KRCC1: variants seen among roughly 807,000 people sequenced by gnomAD.
KRCC1 encodes lysine rich coiled-coil 1.
Under a neutral mutation model 7.4 loss-of-function variants are expected in KRCC1, and 3 were observed. That is an observed-to-expected ratio of 0.40 (90% CI 0.18 to 1.04). The LOEUF (loss-of-function observed/expected upper bound fraction) is 1.04, where lower values mean the gene tolerates loss of function less well. Among genes scored for constraint, KRCC1 ranks in the 50% least tolerant of loss-of-function variants. The pLI is 0.33. For synonymous variants in KRCC1, 102 were observed against 101.6 expected, an observed-to-expected ratio of 1.00 and a Z score of -0.02; for missense variants, 277 against 300.9, an observed-to-expected ratio of 0.92 and a Z score of 0.59.
At position 88,028,138 on chromosome 2, in the gene KRCC1, TGAG is replaced by T. The variant is rs751331764; in HGVS notation, c.423_425del (p.Ser142del). 8.7e-6 allele frequency: 14 copies of T among 1,614,060 alleles called. No individual in the cohort carries two copies. The highest frequency in any genetic ancestry group is 6.7e-5 in the East Asian group (3 of 44,894). ...CTTGATGAGTACTGGTACTGTTATC[TGAG>T]GAGAAGTGCTTGTAAACTCTATGTT... On this transcript the variant is annotated inframe_deletion, in exon 4 of 4. Coordinates refer to ENST00000347055, the MANE Select transcript of KRCC1 (RefSeq NM_016618.3).
At chr2:88,041,686 C>T (rs1673213768) in intron 1 of KRCC1, among the ~76,000 whole-genome samples, 1 of 152,128 alleles carries the variant, frequency 6.6e-6, no homozygotes, top group South Asian at 2.1e-4. Flanking sequence ...AGAAATCTTT[C>T]CTCAGAAAAT....
chr2:88,051,903 A>C (rs1449965066), intron 1 of KRCC1, among the ~76,000 whole-genome samples: 1 of 152,260 alleles, frequency 6.6e-6, no homozygotes, highest in African/African-American at 2.4e-5. Context: ...CAACCTCGAC[A>C]CTTCTGGCAT....
rs188835347 is a variant in KRCC1 at position 88,045,453 on chromosome 2, G to A, written c.-290-8402C>T. Among the ~76,000 whole-genome samples, 18 of 152,228 alleles carry A rather than the reference G, an allele frequency of 1.2e-4. No homozygotes were observed. In the East Asian group the frequency reaches 3.1e-3, roughly 26 times the overall value. ...GAATCTCAAAACCATCACGCTGAGC[G>A]AAAGACAGACATGAAAGAGTATCTA... On this transcript the variant is annotated intron_variant, in intron 1 of 3. Transcript: ENST00000347055.
chr2:88,027,916 A>G lies in KRCC1; in HGVS notation c.648T>C (p.Asn216=), dbSNP rs938715526. The G allele has an allele frequency of 6.2e-7, 1 of 1,610,278 alleles. No individual in the cohort carries two copies. ...TVHVSTEKLK[N]RKEKKSRDVV... Reference sequence around the variant, plus strand: ...CATCTCGGCTTTTTTTCTCCTTTCGATTCTTAAGCTTTTCTGTACTGACAT... The same window carrying G: ...CATCTCGGCTTTTTTTCTCCTTTCGGTTCTTAAGCTTTTCTGTACTGACAT... Residue 216 remains asparagine, a synonymous_variant, in exon 4 of 4, where the codon AAT becomes AAC. Transcript: ENST00000347055.
chr2:88,028,219 T>C lies in KRCC1; in HGVS notation c.345A>G (p.Pro115=), dbSNP rs1672916695. 2.5e-6 allele frequency: 4 copies of C among 1,614,116 alleles called. No individual in the cohort carries two copies. In the East Asian group the frequency reaches 6.7e-5, roughly 27 times the overall value. Residue 115 remains proline, a synonymous_variant, in exon 4 of 4, where the codon CCA becomes CCG. Transcript: ENST00000347055. ...CTTGTTGATTAAAGTTCAGGGGTAC[T>C]GGTTTTTCTGAGAAACAGTCCCTCG... The part of the protein sequence containing the change: ...QFTRDCFSEK[P]VPLNFNQQEY...
intron 1 of KRCC1, among the ~76,000 whole-genome samples, chr2:88,044,647 C>T (rs1236116512): frequency 2.0e-5 from 3 of 151,870 alleles, no homozygotes; most frequent in Non-Finnish European, 2.9e-5. Context: ...CTTGGACTAA[C>T]GTAACTTCTT....
intron 1 of KRCC1, among the ~76,000 whole-genome samples, chr2:88,044,863 A>ATTTTTT (rs11302450): frequency 9.4e-6 from 1 of 105,886 alleles, no homozygotes; most frequent in South Asian, 3.3e-4. Context: ...GAGTTTGATA[A>ATTTTTT]TTTTTTTTTT....
At chr2:88,053,689 A>G (rs1031002932) in intron 1 of KRCC1, among the ~76,000 whole-genome samples, 2 of 152,228 alleles carry the variant, frequency 1.3e-5, no homozygotes, top group Non-Finnish European at 2.9e-5. Context: ...AAATGTTTTA[A>G]GAAATCTGCA....
chr2:88,036,341 C>T (rs1673089861), intron 2 of KRCC1, among the ~76,000 whole-genome samples: 1 of 152,088 alleles, frequency 6.6e-6, no homozygotes. Flanking sequence ...AGGAGCTATA[C>T]CATATAAAAG....
At chr2:88,032,866 T>C (rs1303266399) in intron 3 of KRCC1, among the ~76,000 whole-genome samples, 1 of 152,132 alleles carries the variant, frequency 6.6e-6, no homozygotes, top group Non-Finnish European at 1.5e-5. Flanking sequence ...TTTGGGAGGC[T>C]GAAGTGGCAG....
chr2:88,050,560 T>A (rs192358564), intron 1 of KRCC1, among the ~76,000 whole-genome samples: 1 of 152,224 alleles, frequency 6.6e-6, no homozygotes, highest in Non-Finnish European at 1.5e-5. Flanking sequence ...GAGGGAGAGG[T>A]TGCAGTGAGC....
At chr2:88,046,173 G>C (rs1342717728) in intron 1 of KRCC1, among the ~76,000 whole-genome samples, 2 of 152,208 alleles carry the variant, frequency 1.3e-5, no homozygotes, top group Non-Finnish European at 2.9e-5. Context: ...CTAAGAACTA[G>C]TGACTGTAAT....
Position 88,046,796 on chromosome 2 carries a change from C to G in KRCC1, c.-291+8830G>C, listed in dbSNP as rs951144035. 6.6e-5 allele frequency among the ~76,000 whole-genome samples: 10 copies of G among 152,008 alleles called. No homozygotes were observed. In the East Asian group the frequency reaches 1.7e-3, roughly 27 times the overall value. On this transcript the variant is annotated intron_variant, in intron 1 of 3. Transcript: ENST00000347055. ...ATTGATCCTCCTGCCTCAGCCTCCC[C>G]AGTAGCTGGGACTACAGGCATCTGC...
chr2:88,053,813 G>A (rs953068274), intron 1 of KRCC1, among the ~76,000 whole-genome samples: 2 of 152,144 alleles, frequency 1.3e-5, no homozygotes, highest in African/African-American at 4.8e-5. Flanking sequence ...GGATAAAGAA[G>A]AAATCAGTAT....
chr2:88,038,520 A>C (rs1673140191), intron 1 of KRCC1, among the ~76,000 whole-genome samples: 1 of 152,182 alleles, frequency 6.6e-6, no homozygotes, highest in Non-Finnish European at 1.5e-5. Flanking sequence ...TTACTTAGAA[A>C]CCTTAACTAT....
rs1673105988 is a variant in KRCC1 at position 88,037,068 on chromosome 2, G to C, written c.-290-17C>G. On this transcript the variant is annotated splice_polypyrimidine_tract_variant and intron_variant, in intron 1 of 3. Coordinates refer to ENST00000347055, the MANE Select transcript of KRCC1 (RefSeq NM_016618.3). ...ATGTGGTATCTATCAATAAAAGAGA[G>C]GTAAGACAGAAGATTATATTAAATA... 1 of 152,022 alleles carries C rather than the reference G, an allele frequency of 6.6e-6. No homozygotes were observed. Among genetic ancestry groups the C allele is most frequent in the Non-Finnish European group, 1.5e-5 (1 of 68,002 alleles). 9.4% of individuals were successfully genotyped at this position (152,022 alleles called of 1,614,324 possible). A position where few individuals can be genotyped will look rare whatever the true frequency, so the allele number is the denominator to read the frequency against.
At chr2:88,053,253 T>C (rs1053964225) in intron 1 of KRCC1, among the ~76,000 whole-genome samples, 1 of 152,166 alleles carries the variant, frequency 6.6e-6, no homozygotes, top group South Asian at 2.1e-4. Context: ...CACTAGAACC[T>C]ATAACTAGTC....
At chr2:88,038,946 A>G (rs929003939) in intron 1 of KRCC1, among the ~76,000 whole-genome samples, 4 of 152,160 alleles carry the variant, frequency 2.6e-5, no homozygotes, top group African/African-American at 4.8e-5. Context: ...ACCATATTAC[A>G]TGGTCTGAGG....
At chr2:88,043,610 T>TATTA (rs1673262139) in intron 1 of KRCC1, among the ~76,000 whole-genome samples, 1 of 152,234 alleles carries the variant, frequency 6.6e-6, no homozygotes, top group African/African-American at 2.4e-5. Context: ...TAACCTGTCC[T>TATTA]GTAACACTTT....
Sources: gnomAD v4.1 joint callset for allele counts (sites outside exome capture counted in the v4.1 genomes callset) on GRCh38, gnomAD v4.1.1 for gene constraint, MANE v1.5 for transcripts, NCBI Gene and HGNC (gene_info 2026-07-23, HGNC 2026-07-21) for gene names.